P4HA3: variants seen among roughly 807,000 people sequenced by gnomAD.
The protein encoded by P4HA3 is prolyl 4-hydroxylase subunit alpha 3.
A neutral mutation model predicts 66.7 loss-of-function variants in P4HA3; 60 were observed. The observed-to-expected ratio is 0.90, with a 90% CI of 0.73 to 1.12. The LOEUF (loss-of-function observed/expected upper bound fraction) is 1.12. P4HA3 is among the 50% of genes most tolerant of loss of function. The probability of loss-of-function intolerance (pLI) is 0.00; values close to 1 mark genes in which losing one functional copy is unlikely to be tolerated. For synonymous variants in P4HA3, 263 were observed against 274.6 expected, an observed-to-expected ratio of 0.96 and a Z score of 0.42; for missense variants, 683 against 685.8, an observed-to-expected ratio of 1.00 and a Z score of 0.05.
intron 4 of P4HA3, among the ~76,000 whole-genome samples, chr11:74,289,504 T>G: frequency 6.6e-6 from 1 of 152,116 alleles, no homozygotes; most frequent in South Asian, 2.1e-4. Flanking sequence ...TGCAGGTTTG[T>G]TACATATGTA....
At chr11:74,276,625 T>A (rs1030857479) in intron 9 of P4HA3, among the ~76,000 whole-genome samples, 11 of 151,996 alleles carry the variant, frequency 7.2e-5, no homozygotes, top group African/African-American at 2.7e-4. Context: ...ATCTAAAATT[T>A]TAAAAAAATT....
chr11:74,303,987 C>T (rs1861498625), intron 2 of P4HA3, among the ~76,000 whole-genome samples: 2 of 152,044 alleles, frequency 1.3e-5, no homozygotes, highest in East Asian at 1.9e-4. Context: ...ACTAGAAGAC[C>T]GTTATTTTCT....
intron 5 of P4HA3, 21 bp from the exon 6 acceptor site, chr11:74,286,412 G>A: frequency 6.6e-7 from 1 of 1,510,840 alleles, no homozygotes; most frequent in Non-Finnish European, 8.8e-7. Flanking sequence ...TCAGAGCAGG[G>A]AATATAAAAT....
chr11:74,311,552 G>C lies in P4HA3; in HGVS notation c.60C>G (p.Asp20Glu), dbSNP rs778952070. 6.4e-7 allele frequency: 1 copy of C among 1,552,046 alleles called. No individual in the cohort carries two copies. ...LLAVLALGTGDPERAAARGDT... is the reference protein window; with the variant it reads ...LLAVLALGTGEPERAAARGDT... ...CGCCCCGAGCCGCAGCCCTTTCTGG[G>C]TCTCCTGTCCCGAGCGCCAGCACCG... The change falls in exon 1 of 13, where the codon GAC becomes GAG. Residue 20 changes from aspartate to glutamate, a missense_variant. Physicochemically the swap from Asp to Glu is conservative, Grantham distance 45 (BLOSUM62 2). Transcript: ENST00000331597.
chr11:74,253,358 C>G (rs1859753710), intron 15 of P4HA3: 1 of 866,984 alleles, frequency 1.2e-6, no homozygotes, highest in Non-Finnish European at 1.9e-6. Context: ...CAGCTCTGGT[C>G]AGGGCTGTGA....
intron 1 of P4HA3, among the ~76,000 whole-genome samples, chr11:74,307,846 A>C (rs1861619035): frequency 6.6e-6 from 1 of 152,186 alleles, no homozygotes. Context: ...TTTGGAATTC[A>C]GAAATGGTTT....
intron 15 of P4HA3, chr11:74,252,696 C>A (rs500608): frequency 0.46 from 155,369 of 340,902 alleles, 39,067 homozygotes; most frequent in Admixed American, 0.59. Flanking sequence ...CTCCCACACA[C>A]GGTTTTGACA....
chr11:74,281,738 G>A (rs1207773907), intron 7 of P4HA3, among the ~76,000 whole-genome samples: 2 of 151,962 alleles, frequency 1.3e-5, no homozygotes, highest in Non-Finnish European at 2.9e-5. Context: ...GTGGAGGGAG[G>A]TGGGAGGGAT....
intron 7 of P4HA3, among the ~76,000 whole-genome samples, chr11:74,282,735 G>C (rs1860649523): frequency 6.6e-6 from 1 of 152,218 alleles, no homozygotes; most frequent in Admixed American, 6.5e-5. Flanking sequence ...TTTACAGTCT[G>C]ACTGGGGAGA....
At chr11:74,301,101 A>G (rs1255728022) in intron 3 of P4HA3, among the ~76,000 whole-genome samples, 2 of 152,076 alleles carry the variant, frequency 1.3e-5, no homozygotes, top group Non-Finnish European at 2.9e-5. Flanking sequence ...GGCGAGGAGG[A>G]TGAGTGGGGT....
chr11:74,260,102 G>A (rs1859884518), exon 15 of P4HA3: 2 of 152,178 alleles, frequency 1.3e-5, no homozygotes, highest in African/African-American at 4.8e-5. Context: ...TCCATCCTAG[G>A]AAGTGTGAAG....
At chr11:74,264,770 T>A (rs1859963591), downstream of P4HA3, among the ~76,000 whole-genome samples, 1 of 152,262 alleles carries the variant, frequency 6.6e-6, no homozygotes, top group Non-Finnish European at 1.5e-5. Context: ...TGACACTGAA[T>A]GCAGGATGCA....
rs759782150 is a variant in P4HA3 at position 74,289,146 on chromosome 11, A to G, written c.718-16T>C. 3.8e-6 allele frequency: 6 copies of G among 1,567,036 alleles called. No individual in the cohort carries two copies. Among genetic ancestry groups the G allele is most frequent in the Non-Finnish European group, 4.3e-6 (5 of 1,158,366 alleles). On this transcript the variant is annotated splice_polypyrimidine_tract_variant and intron_variant, in intron 4 of 12. Transcript: ENST00000331597. ...CATTTCCTGCCTGTTAAAAAAAAAA[A>G]AAAGAAAAGAAAGCATTAACTTCAC...
chr11:74,277,072 A>G lies in P4HA3; in HGVS notation c.1248T>C (p.Leu416=), dbSNP rs1318587455. Reference sequence around the variant, plus strand: ...ACTCTGCATAGGGAGGCCGGACATCAAGGCCTGTGAGGGCAGCAATGCGGT... The same window carrying G: ...ACTCTGCATAGGGAGGCCGGACATCGAGGCCTGTGAGGGCAGCAATGCGGT... ...LNHRIAALTG[L]DVRPPYAEYL... The change falls in exon 9 of 13, where the codon CTT becomes CTC. Residue 416 remains leucine (L), a synonymous_variant. Transcript: ENST00000331597. 6.2e-7 allele frequency: 1 copy of G among 1,614,000 alleles called. No homozygotes were observed. The highest frequency in any genetic ancestry group is 8.5e-7 in the Non-Finnish European group (1 of 1,180,008).
At chr11:74,310,343 G>A (rs1266906665) in intron 1 of P4HA3, among the ~76,000 whole-genome samples, 2 of 152,220 alleles carry the variant, frequency 1.3e-5, no homozygotes, top group Admixed American at 1.3e-4. Flanking sequence ...TAGCACTAGA[G>A]TTTGTTGACT....
intron 14 of P4HA3, among the ~76,000 whole-genome samples, chr11:74,261,329 C>T (rs1308897829): frequency 1.3e-5 from 2 of 151,968 alleles, no homozygotes; most frequent in East Asian, 3.9e-4. Flanking sequence ...AAAGCAAAGA[C>T]ACCATTCACA....
intron 15 of P4HA3, chr11:74,255,925 T>TTTGCGGGTGCC (rs774402118): frequency 1.7e-5 from 9 of 516,826 alleles, no homozygotes; most frequent in Non-Finnish European, 3.1e-5. Context: ...ACCGGAACAC[T>TTTGCGGGTGCC]TTGCGGGTGC....
intron 15 of P4HA3, among the ~76,000 whole-genome samples, chr11:74,257,400 T>G (rs1223243876): frequency 6.6e-6 from 1 of 152,022 alleles, no homozygotes; most frequent in Non-Finnish European, 1.5e-5. Context: ...GCTGGGATTA[T>G]AGGAGTGAGC....
At chr11:74,289,675 T>C (rs1446057060) in intron 4 of P4HA3, among the ~76,000 whole-genome samples, 1 of 146,094 alleles carries the variant, frequency 6.8e-6, no homozygotes, top group African/African-American at 2.5e-5. Context: ...AATTCCCACC[T>C]ATGAGTGAGA....
Sources: allele counts gnomAD v4.1 joint callset (sites outside exome capture counted in the v4.1 genomes callset), GRCh38; gene constraint gnomAD v4.1.1; transcripts MANE v1.5; gene names NCBI Gene and HGNC (gene_info 2026-07-23, HGNC 2026-07-21).